Variants in RSBN1L observed in about 807,000 individuals in gnomAD.
RSBN1L encodes the protein lysine-specific demethylase RSBN1L.
In RSBN1L, 30 loss-of-function variants were observed where a neutral mutation model predicts 67.7. The ratio of observed to expected loss-of-function variants is 0.44; its 90% CI spans 0.33 to 0.60. RSBN1L has a LOEUF of 0.60. Ranked by LOEUF, RSBN1L falls within the 20% of genes least tolerant of loss-of-function variation. The pLI is 0.02. For missense variants in RSBN1L, 992 were observed against 1,031.7 expected (o/e 0.96, Z 0.53); for synonymous variants, 433 against 387.0 (o/e 1.12, Z -1.39).
intron 1 of RSBN1L, among the ~76,000 whole-genome samples, chr7:77,726,776 ATT>A (rs35354992): frequency 0.02 from 2,233 of 112,234 alleles, 54 homozygotes; most frequent in African/African-American, 0.074. Context: ...CACCCAGCTA[ATT>A]TTTTTTTTTT....
At position 77,782,284 on chromosome 7, in the gene RSBN1L, A is replaced by T. The variant is rs573490903; in HGVS notation, c.*3116A>T. 3.2e-4 allele frequency: 48 copies of T among 152,350 alleles called. No individual in the cohort carries two copies. The highest frequency in any genetic ancestry group is 1.1e-3 in the African/African-American group (45 of 41,576). 9.4% of individuals were successfully genotyped at this position (152,350 alleles called of 1,614,324 possible). A position where few individuals can be genotyped will look rare whatever the true frequency, so the allele number is the denominator to read the frequency against. ...ACCAGAACAATAAAATACATAAGAC[A>T]TCGTTTCTATATGGTCATATACTAT... On this transcript the variant is annotated 3_prime_UTR_variant, in exon 8 of 8. Transcript: ENST00000334955.
intron 2 of RSBN1L, 46 bp from the exon 3 acceptor site, chr7:77,749,378 T>C: frequency 1.4e-6 from 2 of 1,386,908 alleles, no homozygotes; most frequent in Non-Finnish European, 1.9e-6. Flanking sequence ...GCATGGTTTT[T>C]AAAGTAATTA....
Position 77,737,852 on chromosome 7 carries a change from G to A in RSBN1L, c.703+1326G>A, listed in dbSNP as rs1021586355. Among the ~76,000 whole-genome samples the A allele has an allele frequency of 4.6e-5, 7 of 152,054 alleles. No individual in the cohort carries two copies. The South Asian group carries it at 1.0e-3, about 23-fold the overall frequency. The stretch of plus-strand genomic sequence containing the variant: ...AGCCTGGCCGATGTGGTGAAACCTC[G>A]TCTCTACTAAAAATGAAAAATTAGT... On this transcript the variant is annotated intron_variant, in intron 2 of 7. Coordinates refer to ENST00000334955, the MANE Select transcript of RSBN1L (RefSeq NM_198467.3).
chr7:77,723,510 C>T (rs912233748), intron 1 of RSBN1L, among the ~76,000 whole-genome samples: 19 of 151,868 alleles, frequency 1.3e-4, no homozygotes, highest in African/African-American at 4.4e-4. Context: ...CACTCTTTGC[C>T]CAGACTGGAG....
chr7:77,714,287 A>G (rs1407807775), intron 1 of RSBN1L, among the ~76,000 whole-genome samples: 1 of 152,180 alleles, frequency 6.6e-6, no homozygotes, highest in Non-Finnish European at 1.5e-5. Context: ...ATGAGTTTTG[A>G]TGAATAGTTG....
chr7:77,737,953 C>A (rs866973986), intron 2 of RSBN1L, among the ~76,000 whole-genome samples: 11 of 150,330 alleles, frequency 7.3e-5, no homozygotes, highest in African/African-American at 2.4e-4. Flanking sequence ...ACCCGGGAGA[C>A]AAGAGGTTGC....
At chr7:77,737,237 G>A (rs1414561343) in intron 2 of RSBN1L, among the ~76,000 whole-genome samples, 1 of 152,108 alleles carries the variant, frequency 6.6e-6, no homozygotes, top group Non-Finnish European at 1.5e-5. Context: ...CGTGGCATTC[G>A]GTTGCTAGAC....
chr7:77,765,436 C>A, intron 3 of RSBN1L, 59 bp from the exon 4 acceptor site: 1 of 1,302,316 alleles, frequency 7.7e-7, no homozygotes, highest in Non-Finnish European at 1.0e-6. Flanking sequence ...TTAATTAAAT[C>A]CATATTCTTC....
intron 1 of RSBN1L, among the ~76,000 whole-genome samples, chr7:77,708,118 G>A (rs1159447636): frequency 6.6e-6 from 1 of 152,150 alleles, no homozygotes; most frequent in Admixed American, 6.6e-5. Context: ...ATCGTACTTT[G>A]CGTTGTGAGA....
chr7:77,704,704 G>T (rs768926758), intron 1 of RSBN1L, among the ~76,000 whole-genome samples: 9 of 151,970 alleles, frequency 5.9e-5, no homozygotes, highest in Non-Finnish European at 1.0e-4. Context: ...GTGGCCAGGC[G>T]TGGTGGCTCA....
Position 77,779,257 on chromosome 7 carries a change from CTA to C in RSBN1L, c.*91_*92del, listed in dbSNP as rs1479583254. 5.7e-6 allele frequency: 5 copies of C among 880,870 alleles called. No homozygotes were observed. In the African/African-American group the frequency reaches 8.5e-5, roughly 15 times the overall value. 54.6% of individuals were successfully genotyped at this position (880,870 alleles called of 1,614,324 possible). On this transcript the variant is annotated 3_prime_UTR_variant, in exon 8 of 8. Coordinates refer to ENST00000334955, the MANE Select transcript of RSBN1L (RefSeq NM_198467.3). Reference sequence around the variant, plus strand: ...CTGAAAGCAAGCCAAGGACTTGCTCCTATGTCTGTTACAAAACATAGTTTATG... The same window carrying C: ...CTGAAAGCAAGCCAAGGACTTGCTCCTGTCTGTTACAAAACATAGTTTATG...
In RSBN1L at chr7:77,765,986, G is replaced by T. The variant is rs1019155932; in HGVS notation, c.1482+354G>T. The stretch of plus-strand genomic sequence containing the variant: ...AGTACTAAAGGACTTAAGAAGTACA[G>T]GAAGGATTCTACTACAAATGTTTAA... On this transcript the variant is annotated intron_variant, in intron 4 of 7. Coordinates refer to ENST00000334955, the MANE Select transcript of RSBN1L (RefSeq NM_198467.3). Among the ~76,000 whole-genome samples the T allele has an allele frequency of 3.9e-5, 6 of 152,148 alleles. No individual in the cohort carries two copies. In the East Asian group the frequency reaches 1.2e-3, roughly 29 times the overall value.
At chr7:77,705,700 C>G (rs995560318) in intron 1 of RSBN1L, among the ~76,000 whole-genome samples, 3 of 150,778 alleles carry the variant, frequency 2.0e-5, no homozygotes, top group East Asian at 4.0e-4. Flanking sequence ...TTAGTAGAGA[C>G]AGGGTTTCAC....
intron 2 of RSBN1L, among the ~76,000 whole-genome samples, chr7:77,742,908 A>T (rs571541846): frequency 3.9e-5 from 6 of 152,198 alleles, no homozygotes; most frequent in Admixed American, 6.5e-5. Context: ...TACTTATGGA[A>T]TGGGGGGAAC....
intron 3 of RSBN1L, among the ~76,000 whole-genome samples, chr7:77,764,771 C>T (rs1008439949): frequency 3.9e-5 from 6 of 151,960 alleles, no homozygotes; most frequent in South Asian, 2.1e-4. Context: ...GGACTACAGG[C>T]GCGCGCCGGC....
chr7:77,744,683 G>T (rs960626283), intron 2 of RSBN1L, among the ~76,000 whole-genome samples: 2 of 152,056 alleles, frequency 1.3e-5, no homozygotes, highest in Non-Finnish European at 2.9e-5. Flanking sequence ...CTCCCAAAGT[G>T]CTGGGATTAC....
chr7:77,768,604 T>TA, intron 4 of RSBN1L, 57 bp from the exon 5 acceptor site: 1 of 1,457,536 alleles, frequency 6.9e-7, no homozygotes, highest in South Asian at 1.2e-5. Flanking sequence ...ATTATTAACA[T>TA]ACACTTGAAG....
chr7:77,740,527 C>T (rs1294849579), intron 2 of RSBN1L, among the ~76,000 whole-genome samples: 2 of 151,672 alleles, frequency 1.3e-5, no homozygotes, highest in African/African-American at 4.8e-5. Context: ...ATCCCAGAGG[C>T]CAAAAGTTGA....
chr7:77,746,725 A>C (rs183320303), intron 2 of RSBN1L, among the ~76,000 whole-genome samples: 1 of 152,354 alleles, frequency 6.6e-6, no homozygotes, highest in Non-Finnish European at 1.5e-5. Flanking sequence ...CAAGTTAGTT[A>C]CTTCCAACAT....
Sources: allele counts gnomAD v4.1 joint callset (sites outside exome capture counted in the v4.1 genomes callset), GRCh38; gene constraint gnomAD v4.1.1; transcripts MANE v1.5; gene names NCBI Gene and HGNC (gene_info 2026-07-23, HGNC 2026-07-21).